The following VAV3 variants were observed in gnomAD, a reference collection of about 807,000 sequenced individuals.
VAV3 encodes the protein guanine nucleotide exchange factor VAV3.
VAV3 carries 94 observed loss-of-function variants against 131.2 expected under a neutral mutation model. The ratio of observed to expected loss-of-function variants is 0.72; its 90% CI spans 0.61 to 0.85. VAV3 has a LOEUF of 0.85. VAV3 is among the 40% of genes least tolerant of loss of function. The pLI, the probability that VAV3 is intolerant of heterozygous loss-of-function variation, is 0.00. For synonymous variants in VAV3, 349 were observed against 342.0 expected, an observed-to-expected ratio of 1.02 and a Z score of -0.22; for missense variants, 939 against 1,002.7, an observed-to-expected ratio of 0.94 and a Z score of 0.86.
At chr1:107,943,521 C>T (rs967322874) in intron 1 of VAV3, among the ~76,000 whole-genome samples, 8 of 152,136 alleles carry the variant, frequency 5.3e-5, no homozygotes, top group African/African-American at 1.9e-4. Flanking sequence ...CAGGCACACA[C>T]ATCACGAGGT....
At chr1:107,573,931 G>A (rs1389807692) in intron 26 of VAV3, 116 bp downstream of exon 26, 6 of 1,362,448 alleles carry the variant, frequency 4.4e-6, no homozygotes, top group African/African-American at 1.5e-5. Context: ...GCAGAGGCCT[G>A]TGGGCTGAAA....
chr1:107,871,024 T>C (rs970233206), intron 2 of VAV3, among the ~76,000 whole-genome samples: 1 of 152,132 alleles, frequency 6.6e-6, no homozygotes, highest in African/African-American at 2.4e-5. Context: ...AACAGACAGC[T>C]CAGTAGGAAA....
intron 1 of VAV3, among the ~76,000 whole-genome samples, chr1:107,929,120 G>A (rs1571154287): frequency 6.6e-6 from 1 of 151,848 alleles, no homozygotes; most frequent in East Asian, 1.9e-4. Context: ...AAGTGCTGAA[G>A]GAGAAAAATT....
At chr1:107,739,776 T>C (rs1662896477) in intron 15 of VAV3, among the ~76,000 whole-genome samples, 1 of 152,012 alleles carries the variant, frequency 6.6e-6, no homozygotes, top group Non-Finnish European at 1.5e-5. Flanking sequence ...ACTAAGAAAA[T>C]GCCAAAGCAG....
intron 21 of VAV3, among the ~76,000 whole-genome samples, chr1:107,611,117 C>T (rs1322408124): frequency 6.6e-6 from 1 of 152,164 alleles, no homozygotes; most frequent in African/African-American, 2.4e-5. Context: ...ATTTGAATTA[C>T]ATTCCACATC....
intron 2 of VAV3, among the ~76,000 whole-genome samples, chr1:107,828,119 A>G (rs1668092102): frequency 6.6e-6 from 1 of 152,190 alleles, no homozygotes; most frequent in Non-Finnish European, 1.5e-5. Flanking sequence ...AATAGTACAC[A>G]GCGAGATTCA....
At chr1:107,588,280 T>C (rs1326761175) in intron 25 of VAV3, among the ~76,000 whole-genome samples, 1 of 152,196 alleles carries the variant, frequency 6.6e-6, no homozygotes, top group Non-Finnish European at 1.5e-5. Context: ...GAGAAGAATA[T>C]AAAAATGTCA....
chr1:107,823,057 T>C (rs1667869431), intron 2 of VAV3, among the ~76,000 whole-genome samples: 1 of 152,162 alleles, frequency 6.6e-6, no homozygotes, highest in Admixed American at 6.5e-5. Context: ...AGTTGCTACT[T>C]AGGCTGAAGA....
chr1:107,745,810 T>A (rs1372544547), intron 15 of VAV3, among the ~76,000 whole-genome samples: 2 of 152,188 alleles, frequency 1.3e-5, no homozygotes, highest in African/African-American at 2.4e-5. Context: ...TCAACACTCT[T>A]AAAAATATCA....
chr1:107,641,823 G>A (rs375586272), intron 20 of VAV3, among the ~76,000 whole-genome samples: 1 of 152,168 alleles, frequency 6.6e-6, no homozygotes, highest in East Asian at 1.9e-4. Flanking sequence ...AAATGCTCTG[G>A]TAAAGTAGGA....
intron 1 of VAV3, among the ~76,000 whole-genome samples, chr1:107,929,620 T>A (rs1030972915): frequency 3.3e-5 from 5 of 152,120 alleles, no homozygotes; most frequent in African/African-American, 1.2e-4. Flanking sequence ...TAACTACAAC[T>A]TTTCCAGACA....
At chr1:107,656,399 G>A (rs562757370) in intron 19 of VAV3, among the ~76,000 whole-genome samples, 2 of 152,260 alleles carry the variant, frequency 1.3e-5, no homozygotes, top group Admixed American at 6.5e-5. Context: ...CCTCCTATGT[G>A]AGAGCTAAGA....
At chr1:107,905,496 T>A (rs1177309612) in intron 1 of VAV3, among the ~76,000 whole-genome samples, 2 of 152,150 alleles carry the variant, frequency 1.3e-5, no homozygotes, top group African/African-American at 4.8e-5. Context: ...CCATGGTAAC[T>A]GTTCATGGAA....
chr1:107,620,377 A>C (rs2101248368), intron 20 of VAV3, among the ~76,000 whole-genome samples: 1 of 152,262 alleles, frequency 6.6e-6, no homozygotes, highest in Non-Finnish European at 1.5e-5. Flanking sequence ...CTTTTACTGT[A>C]CTTTTTCTAT....
chr1:107,835,955 G>C (rs930498001), intron 2 of VAV3, among the ~76,000 whole-genome samples: 2 of 152,180 alleles, frequency 1.3e-5, no homozygotes, highest in Non-Finnish European at 2.9e-5. Context: ...AGCCCATTAG[G>C]ACATTCCTTA....
At chr1:107,811,849 T>G (rs1362945866) in intron 2 of VAV3, among the ~76,000 whole-genome samples, 1 of 152,206 alleles carries the variant, frequency 6.6e-6, no homozygotes, top group East Asian at 1.9e-4. Flanking sequence ...ATCTTTGGAC[T>G]TCTAGTAGGA....
At chr1:107,903,956 C>T (rs1027597199) in intron 1 of VAV3, among the ~76,000 whole-genome samples, 1 of 152,114 alleles carries the variant, frequency 6.6e-6, no homozygotes, top group Admixed American at 6.5e-5. Context: ...CCTACCACTC[C>T]CATGCCCTCA....
intron 12 of VAV3, among the ~76,000 whole-genome samples, chr1:107,753,491 T>TACACAC (rs1216589691): frequency 0.24 from 22,287 of 93,556 alleles, 2,540 homozygotes; most frequent in Non-Finnish European, 0.29. Flanking sequence ...TGTGTATATA[T>TACACAC]ATACACACAT....
intron 11 of VAV3, 90 bp from the exon 12 acceptor site, chr1:107,755,603 T>A: frequency 2.2e-6 from 2 of 898,040 alleles, no homozygotes; most frequent in Middle Eastern, 3.2e-4. Flanking sequence ...TTAATTCCAT[T>A]AGTGGTAAAA....
Sources: allele counts gnomAD v4.1 joint callset (sites outside exome capture counted in the v4.1 genomes callset), GRCh38; gene constraint gnomAD v4.1.1; transcripts MANE v1.5; gene names NCBI Gene and HGNC (gene_info 2026-07-23, HGNC 2026-07-21).